The following DNAH12 variants were observed in gnomAD, a reference collection of about 807,000 sequenced individuals.
DNAH12 encodes the protein axonemal beta dynein heavy chain 12.
A neutral mutation model predicts 371.5 loss-of-function variants in DNAH12; 285 were observed. The observed-to-expected ratio is 0.77, with a 90% CI of 0.70 to 0.85. The LOEUF is 0.85. Among genes scored for constraint, DNAH12 ranks in the 40% least tolerant of loss-of-function variants. The pLI, the probability that DNAH12 is intolerant of heterozygous loss-of-function variation, is 0.00. For missense variants in DNAH12, 3,611 were observed against 3,689.4 expected, an observed-to-expected ratio of 0.98 and a Z score of 0.55; for synonymous variants, 1,200 against 1,213.0, an observed-to-expected ratio of 0.99 and a Z score of 0.22.
intron 11 of DNAH12, among the ~76,000 whole-genome samples, chr3:57,493,086 T>C (rs1420742069): frequency 6.6e-6 from 1 of 152,190 alleles, no homozygotes; most frequent in East Asian, 1.9e-4. Context: ...TTATAGACAC[T>C]ACAGGTTATA....
At chr3:57,436,791 A>C (rs549843434) in intron 30 of DNAH12, among the ~76,000 whole-genome samples, 160 bp downstream of exon 30, 60 of 152,284 alleles carry the variant, frequency 3.9e-4, no homozygotes, top group African/African-American at 1.4e-3. Context: ...TAGTATGAGA[A>C]ATAAACCTTT....
At chr3:57,516,700 T>C (rs923688054) in intron 4 of DNAH12, among the ~76,000 whole-genome samples, 6 of 152,248 alleles carry the variant, frequency 3.9e-5, no homozygotes, top group African/African-American at 1.2e-4. Flanking sequence ...TAGACTGTTA[T>C]CTTGTACAAC....
At chr3:57,425,405 G>C (rs2064735244) in intron 34 of DNAH12, among the ~76,000 whole-genome samples, 1 of 139,122 alleles carries the variant, frequency 7.2e-6, no homozygotes, top group Admixed American at 7.1e-5. Flanking sequence ...GCACCACCAG[G>C]CTATTTTTTT....
intron 62 of DNAH12, 72 bp from the exon 63 acceptor site, chr3:57,323,691 A>G: frequency 7.2e-7 from 1 of 1,383,764 alleles, no homozygotes; most frequent in East Asian, 2.6e-5. Flanking sequence ...ATTATTGAAA[A>G]ACAACAAAGA....
At chr3:57,294,466 C>T (rs370055973) in intron 73 of DNAH12, among the ~76,000 whole-genome samples, 5 of 152,128 alleles carry the variant, frequency 3.3e-5, no homozygotes, top group African/African-American at 9.7e-5. Context: ...TGAGCCACTG[C>T]GCCCAGCCCA....
chr3:57,396,372 A>C (rs1188474728), intron 43 of DNAH12, among the ~76,000 whole-genome samples: 1 of 150,762 alleles, frequency 6.6e-6, no homozygotes, highest in Non-Finnish European at 1.5e-5. Flanking sequence ...AAACATATTT[A>C]ACTTATTGTC....
At chr3:57,317,924 G>C (rs768938073) in intron 65 of DNAH12, among the ~76,000 whole-genome samples, 1 of 152,042 alleles carries the variant, frequency 6.6e-6, no homozygotes, top group Non-Finnish European at 1.5e-5. Context: ...TACTGACATT[G>C]AGCATTTTTT....
At chr3:57,548,654 C>A (rs2069596595), upstream of DNAH12, among the ~76,000 whole-genome samples, 1 of 151,692 alleles carries the variant, frequency 6.6e-6, no homozygotes, top group East Asian at 1.9e-4. Flanking sequence ...TGCAGTAAGC[C>A]ATTACTGCAC....
intron 25 of DNAH12, among the ~76,000 whole-genome samples, chr3:57,449,452 G>C (rs911865145): frequency 6.6e-6 from 1 of 152,226 alleles, no homozygotes; most frequent in East Asian, 1.9e-4. Context: ...TGGGTGGGAG[G>C]CTCAGGCATG....
At chr3:57,342,058 T>A (rs565206184) in intron 60 of DNAH12, among the ~76,000 whole-genome samples, 14 of 152,208 alleles carry the variant, frequency 9.2e-5, no homozygotes, top group African/African-American at 3.4e-4. Flanking sequence ...AAATTGGATA[T>A]CCATATGCAG....
intron 43 of DNAH12, among the ~76,000 whole-genome samples, chr3:57,399,008 T>C (rs2063801560): frequency 6.6e-6 from 1 of 152,158 alleles, no homozygotes; most frequent in African/African-American, 2.4e-5. Flanking sequence ...AAAGATACAA[T>C]TTGTGACATC....
chr3:57,398,960 A>T (rs1331624803), intron 43 of DNAH12, among the ~76,000 whole-genome samples: 1 of 152,204 alleles, frequency 6.6e-6, no homozygotes, highest in Non-Finnish European at 1.5e-5. Context: ...AAACAAAAAC[A>T]TGCCTTATAA....
intron 25 of DNAH12, among the ~76,000 whole-genome samples, chr3:57,447,076 C>T (rs530526140): frequency 7.2e-5 from 11 of 152,204 alleles, no homozygotes; most frequent in Admixed American, 1.3e-4. Flanking sequence ...AAAGTGAGAG[C>T]TATAAATGGC....
At chr3:57,375,244 T>C (rs1224905245) in intron 55 of DNAH12, 127 bp downstream of exon 55, 1 of 152,164 alleles carries the variant, frequency 6.6e-6, no homozygotes, top group Non-Finnish European at 1.5e-5. Flanking sequence ...AATACTAAAA[T>C]GTTAATTGCA....
intron 43 of DNAH12, among the ~76,000 whole-genome samples, chr3:57,401,753 AAG>A (rs200806768): frequency 2.6e-5 from 4 of 151,984 alleles, no homozygotes; most frequent in East Asian, 1.9e-4. Context: ...TACAAAAAAA[AAG>A]AGAGAGAGAA....
Position 57,322,336 on chromosome 3 carries a change from A to C in DNAH12, c.10524+7T>G. 5 of 1,548,340 alleles carry C rather than the reference A, an allele frequency of 3.2e-6. No homozygotes were observed. The highest frequency in any genetic ancestry group is 4.4e-6 in the Non-Finnish European group (5 of 1,145,592). On this transcript the variant is annotated splice_region_variant and intron_variant, in intron 65 of 73. Transcript: ENST00000495027. ...ACATTTTAAAAGTTCCAAAAGATGA[A>C]TATTACCAGTTCCTTTCCACGGCAT...
chr3:57,352,398 T>C (rs1553660859), intron 59 of DNAH12, among the ~76,000 whole-genome samples, 173 bp from the exon 60 acceptor site: 1 of 152,116 alleles, frequency 6.6e-6, no homozygotes, highest in Non-Finnish European at 1.5e-5. Flanking sequence ...CTATGGGTTG[T>C]AGCAATGTCA....
chr3:57,510,130 AT>A, intron 5 of DNAH12, among the ~76,000 whole-genome samples: 1 of 152,146 alleles, frequency 6.6e-6, no homozygotes, highest in Non-Finnish European at 1.5e-5. Flanking sequence ...ATTCTAAAAA[AT>A]AGCAAAGATT....
At chr3:57,466,297 G>A (rs2066202169) in intron 17 of DNAH12, among the ~76,000 whole-genome samples, 1 of 152,152 alleles carries the variant, frequency 6.6e-6, no homozygotes, top group Admixed American at 6.5e-5. Flanking sequence ...CTATACACAA[G>A]AAGGTAATAA....
Sources: gnomAD v4.1 joint callset for allele counts (sites outside exome capture counted in the v4.1 genomes callset) on GRCh38, gnomAD v4.1.1 for gene constraint, MANE v1.5 for transcripts, NCBI Gene and HGNC (gene_info 2026-07-23, HGNC 2026-07-21) for gene names.